The following COBL variants were observed in gnomAD, a reference collection of about 807,000 sequenced individuals.
COBL encodes cordon-bleu WH2 repeat protein.
A neutral mutation model predicts 98.8 loss-of-function variants in COBL; 51 were observed. The ratio of observed to expected loss-of-function variants is 0.52; its 90% CI spans 0.41 to 0.65. The LOEUF (loss-of-function observed/expected upper bound fraction) is 0.65. Among genes scored for constraint, COBL ranks in the 30% least tolerant of loss-of-function variants. The pLI, the probability that COBL is intolerant of heterozygous loss-of-function variation, is 0.00. For synonymous variants in COBL, 634 were observed against 651.7 expected (o/e 0.97, Z 0.41); for missense variants, 1,617 against 1,617.5 (o/e 1.00, Z 0.01).
chr7:51,313,851 T>G (rs1217118018), intron 1 of COBL, among the ~76,000 whole-genome samples: 1 of 152,208 alleles, frequency 6.6e-6, no homozygotes, highest in Non-Finnish European at 1.5e-5. Context: ...TGCCTTTACT[T>G]GTGTTCTGAG....
intron 1 of COBL, among the ~76,000 whole-genome samples, chr7:51,271,486 C>A (rs1341248696): frequency 6.6e-6 from 1 of 152,190 alleles, no homozygotes; most frequent in African/African-American, 2.4e-5. Context: ...CTGCTTTAAT[C>A]CCACTAGTTA....
intron 6 of COBL, among the ~76,000 whole-genome samples, chr7:51,131,504 G>A (rs1028743791): frequency 4.6e-5 from 7 of 151,860 alleles, no homozygotes; most frequent in African/African-American, 1.7e-4. Context: ...AAAGATGCCA[G>A]CAAGAATAAT....
chr7:51,027,774 ATGT>A lies in COBL; in HGVS notation c.3319_3321del (p.Thr1107del). ...GCTTCCATCAGGGCAGAGTGCAGGG[ATGT>A]GTCTTTTGGGACTGGTCTCTGGACA... On this transcript the variant is annotated inframe_deletion, in exon 10 of 13. Transcript: ENST00000265136. The A allele has an allele frequency of 1.9e-6, 3 of 1,614,136 alleles. No individual in the cohort carries two copies. The highest frequency in any genetic ancestry group is 2.5e-6 in the Non-Finnish European group (3 of 1,180,024).
chr7:51,107,982 C>T (rs1796463360), intron 6 of COBL, among the ~76,000 whole-genome samples: 1 of 152,146 alleles, frequency 6.6e-6, no homozygotes, highest in Non-Finnish European at 1.5e-5. Flanking sequence ...TTCCTGCAGC[C>T]CACCCTCTCC....
At chr7:51,310,279 G>A (rs1802888586) in intron 1 of COBL, among the ~76,000 whole-genome samples, 2 of 152,218 alleles carry the variant, frequency 1.3e-5, no homozygotes, top group South Asian at 2.1e-4. Flanking sequence ...AAAGTCTGGA[G>A]AGGCCCCATC....
chr7:51,017,812 G>A (rs1313818716), intron 12 of COBL, among the ~76,000 whole-genome samples: 2 of 152,216 alleles, frequency 1.3e-5, no homozygotes, highest in Non-Finnish European at 2.9e-5. Context: ...GAGGCCCGAG[G>A]TCAAGGGAAC....
intron 1 of COBL, among the ~76,000 whole-genome samples, chr7:51,257,773 T>C (rs1372108755): frequency 2.0e-5 from 3 of 152,150 alleles, no homozygotes; most frequent in Non-Finnish European, 2.9e-5. Context: ...ATTTGTACAC[T>C]AGAGCCATTT....
chr7:51,244,642 C>T (rs974147987), intron 1 of COBL, among the ~76,000 whole-genome samples: 14 of 152,304 alleles, frequency 9.2e-5, no homozygotes, highest in Non-Finnish European at 1.6e-4. Context: ...CCCTAAGTGC[C>T]TCAGCTTTCC....
chr7:51,035,940 A>G (rs1475629560), intron 8 of COBL: 1 of 152,228 alleles, frequency 6.6e-6, no homozygotes, highest in African/African-American at 2.4e-5. Context: ...ATGATTCCGC[A>G]GTCACAAAGT....
chr7:51,112,660 T>C (rs920825806), intron 6 of COBL, among the ~76,000 whole-genome samples: 4 of 152,162 alleles, frequency 2.6e-5, no homozygotes, highest in African/African-American at 9.7e-5. Flanking sequence ...CTTTGCACCT[T>C]TGGGTCTCAT....
At chr7:51,257,040 T>C (rs749032641) in intron 1 of COBL, among the ~76,000 whole-genome samples, 9 of 152,080 alleles carry the variant, frequency 5.9e-5, no homozygotes, top group African/African-American at 1.2e-4. Flanking sequence ...GTGTCACATA[T>C]ATTGTTGCAT....
intron 1 of COBL, among the ~76,000 whole-genome samples, chr7:51,264,893 T>C (rs1798065144): frequency 6.6e-6 from 1 of 152,146 alleles, no homozygotes. Flanking sequence ...TTCATATCCA[T>C]AGGAAATATC....
At chr7:51,141,179 A>C (rs989909925) in intron 5 of COBL, among the ~76,000 whole-genome samples, 1 of 152,152 alleles carries the variant, frequency 6.6e-6, no homozygotes, top group Non-Finnish European at 1.5e-5. Flanking sequence ...AAAGGTGTCC[A>C]TCCTACAAAT....
intron 2 of COBL, among the ~76,000 whole-genome samples, chr7:51,210,585 T>C (rs1792317896): frequency 6.6e-6 from 1 of 152,196 alleles, no homozygotes; most frequent in Admixed American, 6.5e-5. Flanking sequence ...AAGACCTGAC[T>C]TGGTGGCATT....
intron 2 of COBL, among the ~76,000 whole-genome samples, chr7:51,206,729 T>C (rs911616409): frequency 7.9e-5 from 12 of 152,144 alleles, no homozygotes; most frequent in African/African-American, 2.9e-4. Flanking sequence ...TGTGACAACA[T>C]GGATGAAGCT....
intron 2 of COBL, among the ~76,000 whole-genome samples, chr7:51,212,112 A>G (rs1792508197): frequency 6.6e-6 from 1 of 152,170 alleles, no homozygotes; most frequent in Admixed American, 6.5e-5. Context: ...AAGTGCTCAT[A>G]AGATAGAGGT....
intron 1 of COBL, among the ~76,000 whole-genome samples, chr7:51,275,918 G>T (rs116619799): frequency 6.8e-4 from 104 of 152,272 alleles, no homozygotes; most frequent in African/African-American, 2.4e-3. Context: ...CCGGGGTTTT[G>T]TGAGGTTGTC....
intron 5 of COBL, among the ~76,000 whole-genome samples, chr7:51,173,218 G>C (rs1221200124): frequency 6.6e-6 from 1 of 152,076 alleles, no homozygotes; most frequent in Non-Finnish European, 1.5e-5. Flanking sequence ...GTCTCACTCT[G>C]TTGCCCAGGT....
intron 4 of COBL, chr7:51,188,018 A>T (rs1584104255): frequency 8.2e-7 from 1 of 1,214,168 alleles, no homozygotes; most frequent in Admixed American, 4.2e-5. Context: ...GGAGTCCCTG[A>T]CCCAGGCCTT....
Sources: allele counts gnomAD v4.1 joint callset (sites outside exome capture counted in the v4.1 genomes callset), GRCh38; gene constraint gnomAD v4.1.1; transcripts MANE v1.5; gene names NCBI Gene and HGNC (gene_info 2026-07-23, HGNC 2026-07-21).